The following MAF variants were observed in gnomAD, a reference collection of about 807,000 sequenced individuals.
The protein encoded by MAF is MAF bZIP transcription factor.
MAF carries 10 observed loss-of-function variants against 22.0 expected under a neutral mutation model. That is an observed-to-expected ratio of 0.45 (90% CI 0.28 to 0.77). MAF has a LOEUF of 0.77. Among genes scored for constraint, MAF ranks in the 30% least tolerant of loss-of-function variants. MAF has a pLI of 0.12. For missense variants in MAF, 544 were observed against 548.4 expected, an observed-to-expected ratio of 0.99 and a Z score of 0.08; for synonymous variants, 337 against 255.8, an observed-to-expected ratio of 1.32 and a Z score of -3.03.
the MAF span, among the ~76,000 whole-genome samples, chr16:79,446,072 GA>G: frequency 5.1e-4 from 77 of 151,624 alleles, no homozygotes; most frequent in African/African-American, 1.6e-3. Context: ...GAGACAGAGA[GA>G]AAAAAAAGAG....
the MAF span, among the ~76,000 whole-genome samples, chr16:79,477,514 A>T: frequency 6.6e-6 from 1 of 152,178 alleles, no homozygotes; most frequent in East Asian, 1.9e-4. Context: ...GTAGGAGAGG[A>T]ACTAAGTATT....
chr16:79,462,526 T>C, the MAF span, among the ~76,000 whole-genome samples: 1 of 152,234 alleles, frequency 6.6e-6, no homozygotes, highest in African/African-American at 2.4e-5. Flanking sequence ...TGGACTCACC[T>C]CTTGCCAAGG....
chr16:79,408,541 C>T, the MAF span, among the ~76,000 whole-genome samples: 1 of 152,144 alleles, frequency 6.6e-6, no homozygotes, highest in Non-Finnish European at 1.5e-5. Context: ...CGCTGCACCT[C>T]AGTTTCCTTC....
chr16:79,315,931 G>GT, the MAF span, among the ~76,000 whole-genome samples: 1 of 152,184 alleles, frequency 6.6e-6, no homozygotes, highest in Admixed American at 6.5e-5. Context: ...GGGGGTCCCC[G>GT]CTGTTCTTCA....
the MAF span, chr16:79,212,027 C>T: frequency 6.5e-7 from 1 of 1,536,270 alleles, no homozygotes. Context: ...TCTTTGCTTT[C>T]TGGTGGTGGC....
At chr16:79,515,850 G>A in the MAF span, 7 of 152,102 alleles carry the variant, frequency 4.6e-5, no homozygotes, top group East Asian at 1.9e-4. Context: ...CAGAAACATA[G>A]GTTGAGATGG....
the MAF span, among the ~76,000 whole-genome samples, chr16:79,295,327 C>T: frequency 5.8e-4 from 88 of 152,242 alleles, no homozygotes; most frequent in Non-Finnish European, 6.5e-4. Context: ...CTTCTGAGTC[C>T]GGGTAGGCTC....
At chr16:79,563,893 A>G in the MAF span, among the ~76,000 whole-genome samples, 1 of 152,256 alleles carries the variant, frequency 6.6e-6, no homozygotes, top group Non-Finnish European at 1.5e-5. Flanking sequence ...TCCAAAAAGT[A>G]TCATCCAAAC....
chr16:79,421,503 C>T, the MAF span, among the ~76,000 whole-genome samples: 1 of 152,300 alleles, frequency 6.6e-6, no homozygotes, highest in South Asian at 2.1e-4. Context: ...GCTCTTGTCA[C>T]TTAGTAATAT....
the MAF span, among the ~76,000 whole-genome samples, chr16:79,456,180 C>T: frequency 2.6e-5 from 4 of 152,094 alleles, no homozygotes; most frequent in African/African-American, 9.7e-5. Flanking sequence ...CAGCTGCATC[C>T]ACCCCGCACA....
At chr16:79,282,523 C>T in the MAF span, among the ~76,000 whole-genome samples, 3 of 152,266 alleles carry the variant, frequency 2.0e-5, no homozygotes, top group Non-Finnish European at 1.5e-5. Flanking sequence ...TGACAGAAGT[C>T]CTGCAACTTG....
At chr16:79,323,971 C>T in the MAF span, among the ~76,000 whole-genome samples, 72 of 152,116 alleles carry the variant, frequency 4.7e-4, no homozygotes, top group Non-Finnish European at 1.8e-4. Context: ...ACACCCAGAA[C>T]GTTCCAGAGC....
At chr16:79,377,073 G>T in the MAF span, among the ~76,000 whole-genome samples, 1 of 152,152 alleles carries the variant, frequency 6.6e-6, no homozygotes, top group Non-Finnish European at 1.5e-5. Context: ...GGTATTTCTA[G>T]TTCTAGATCC....
chr16:79,234,636 A>T, the MAF span, among the ~76,000 whole-genome samples: 1 of 152,116 alleles, frequency 6.6e-6, no homozygotes, highest in African/African-American at 2.4e-5. Flanking sequence ...TCAGCCTGGA[A>T]ATGCAAACTG....
At chr16:79,358,058 T>A in the MAF span, among the ~76,000 whole-genome samples, 6 of 152,246 alleles carry the variant, frequency 3.9e-5, no homozygotes, top group East Asian at 1.2e-3. Flanking sequence ...CTTGCAGGGA[T>A]ATGGAAAGAA....
At chr16:79,413,515 G>C in the MAF span, among the ~76,000 whole-genome samples, 7 of 151,352 alleles carry the variant, frequency 4.6e-5, no homozygotes, top group Non-Finnish European at 7.4e-5. Context: ...TTACAAGCGT[G>C]AGCCACCGCG....
chr16:79,479,006 G>C, the MAF span, among the ~76,000 whole-genome samples: 2 of 150,946 alleles, frequency 1.3e-5, no homozygotes, highest in Non-Finnish European at 3.0e-5. Flanking sequence ...GCATCCTAGT[G>C]CACCTGTGCA....
the MAF span, among the ~76,000 whole-genome samples, chr16:79,443,489 G>C: frequency 2.6e-5 from 4 of 152,280 alleles, no homozygotes; most frequent in African/African-American, 9.6e-5. Flanking sequence ...TCTGTGCTGA[G>C]GGATAAGGAA....
At chr16:79,486,208 T>C in the MAF span, among the ~76,000 whole-genome samples, 4 of 152,172 alleles carry the variant, frequency 2.6e-5, no homozygotes, top group African/African-American at 4.8e-5. Context: ...GGCAGAAATA[T>C]AGTGATAGGC....
Sources: gnomAD v4.1 joint callset for allele counts (sites outside exome capture counted in the v4.1 genomes callset) on GRCh38, gnomAD v4.1.1 for gene constraint, MANE v1.5 for transcripts, NCBI Gene and HGNC (gene_info 2026-07-23, HGNC 2026-07-21) for gene names.